The following MATN2 variants were observed in gnomAD, a reference collection of about 807,000 sequenced individuals.
The protein encoded by MATN2 is matrilin-2.
Under a neutral mutation model 103.2 loss-of-function variants are expected in MATN2, and 69 were observed. The ratio of observed to expected loss-of-function variants is 0.67; its 90% confidence interval spans 0.55 to 0.82. The LOEUF is 0.82. Among genes scored for constraint, MATN2 ranks in the 40% least tolerant of loss-of-function variants. MATN2 has a pLI of 0.00. For missense variants in MATN2, 1,023 were observed against 1,211.5 expected, an observed-to-expected ratio of 0.84 and a Z score of 2.31; for synonymous variants, 429 against 450.2, an observed-to-expected ratio of 0.95 and a Z score of 0.60.
At chr8:98,016,934 A>C (rs561668549) in intron 11 of MATN2, among the ~76,000 whole-genome samples, 1 of 152,360 alleles carries the variant, frequency 6.6e-6, no homozygotes, top group African/African-American at 2.4e-5. Context: ...GTTGTTAATA[A>C]TAGGGAAAAC....
chr8:97,956,294 C>T (rs1422616197), intron 4 of MATN2, among the ~76,000 whole-genome samples: 4 of 152,132 alleles, frequency 2.6e-5, no homozygotes, highest in Non-Finnish European at 5.9e-5. Context: ...TCTCCTGCCT[C>T]AGCCTCCCAA....
intron 2 of MATN2, among the ~76,000 whole-genome samples, chr8:97,919,681 C>G (rs568977130): frequency 3.9e-5 from 6 of 152,204 alleles, no homozygotes; most frequent in Non-Finnish European, 7.3e-5. Context: ...CCCAAACCCC[C>G]ACCCACAAGC....
chr8:97,975,252 G>C lies in MATN2; in HGVS notation c.959-3634G>C, dbSNP rs150154345. ...GTTGCTTGATCAGGAGTTGCTTAAGGAGTGATCAGTTAAAAGAGCATCTTA... is the reference window on the plus strand; with the variant it reads ...GTTGCTTGATCAGGAGTTGCTTAAGCAGTGATCAGTTAAAAGAGCATCTTA... On this transcript the variant is annotated intron_variant, in intron 5 of 18. Transcript: ENST00000254898. Among the ~76,000 whole-genome samples, 13 of 152,298 alleles carry C rather than the reference G, an allele frequency of 8.5e-5. No homozygotes were observed. The East Asian group carries it at 1.5e-3, about 18-fold the overall frequency.
At chr8:97,956,411 A>G (rs1811147375) in intron 4 of MATN2, among the ~76,000 whole-genome samples, 1 of 152,186 alleles carries the variant, frequency 6.6e-6, no homozygotes, top group African/African-American at 2.4e-5. Flanking sequence ...TCTTGACCTC[A>G]CATGATCCAC....
At chr8:98,029,375 C>T (rs895956329) in intron 14 of MATN2, among the ~76,000 whole-genome samples, 14 of 152,188 alleles carry the variant, frequency 9.2e-5, no homozygotes, top group Admixed American at 8.5e-4. Flanking sequence ...GTGGTTAGCC[C>T]TTTCATCTCA....
Position 98,024,343 on chromosome 8 carries a change from A to G in MATN2, c.1942+3016A>G, listed in dbSNP as rs1473830419. On this transcript the variant is annotated intron_variant, in intron 13 of 18. Transcript: ENST00000254898. ...AACATGGAGAAACCCTGTCTCTACTAAAAATACAAAAAGTGTCCAGGTATG... is the reference window on the plus strand; with the variant it reads ...AACATGGAGAAACCCTGTCTCTACTGAAAATACAAAAAGTGTCCAGGTATG... 2.0e-5 allele frequency among the ~76,000 whole-genome samples: 3 copies of G among 152,140 alleles called. No individual in the cohort carries two copies. In the East Asian group the frequency reaches 5.8e-4, roughly 29 times the overall value.
chr8:98,011,612 C>T (rs1279975311), intron 10 of MATN2, among the ~76,000 whole-genome samples: 3 of 152,198 alleles, frequency 2.0e-5, no homozygotes, highest in Non-Finnish European at 4.4e-5. Context: ...ATTAAGTTAG[C>T]AAAGGATTGG....
chr8:97,877,765 T>C (rs1048326661), intron 1 of MATN2, among the ~76,000 whole-genome samples: 3 of 152,176 alleles, frequency 2.0e-5, no homozygotes, highest in Non-Finnish European at 4.4e-5. Flanking sequence ...AACAGTCTAC[T>C]GGTTAGGATT....
In MATN2 at chr8:98,003,714, A is replaced by G; in HGVS notation, c.1258A>G (p.Met420Val). 1.9e-6 allele frequency: 3 copies of G among 1,613,834 alleles called. No individual in the cohort carries two copies. Among genetic ancestry groups the G allele is most frequent in the Non-Finnish European group, 2.5e-6 (3 of 1,179,804 alleles). ...GGGCTGTGAGCATGAGTGCGTCAAC[A>G]TGGAGGAGAGCTACTACTGCCGCTG... ...KPGCEHECVN[M>V]EESYYCRCHR... is the part of the protein sequence containing the mutation. Residue 420 changes from methionine (M) to valine (V), a missense_variant, in exon 8 of 19, where the codon ATG becomes GTG. Coordinates refer to ENST00000254898, the MANE Select transcript of MATN2 (RefSeq NM_002380.5).
chr8:97,901,549 G>T (rs144888459), intron 2 of MATN2, among the ~76,000 whole-genome samples: 1 of 152,144 alleles, frequency 6.6e-6, no homozygotes, highest in Admixed American at 6.5e-5. Flanking sequence ...CACTGCACCC[G>T]GCCCTGATAT....
chr8:97,915,148 G>C (rs1181472534), intron 2 of MATN2, among the ~76,000 whole-genome samples: 1 of 152,092 alleles, frequency 6.6e-6, no homozygotes, highest in African/African-American at 2.4e-5. Flanking sequence ...CATCATGCTT[G>C]GCTTGTGAAA....
chr8:98,035,548 C>A (rs986055280), intron 18 of MATN2, 109 bp from the exon 19 acceptor site: 48 of 612,584 alleles, frequency 7.8e-5, no homozygotes, highest in East Asian at 1.8e-4. Flanking sequence ...GGAAAAAAAA[C>A]CAAAACCTTT....
intron 5 of MATN2, among the ~76,000 whole-genome samples, chr8:97,974,957 C>A (rs2130299408): frequency 6.6e-6 from 1 of 152,264 alleles, no homozygotes; most frequent in Non-Finnish European, 1.5e-5. Flanking sequence ...TGAGAATGGG[C>A]ATTACTGACA....
At chr8:97,988,340 T>C (rs987812831) in intron 6 of MATN2, among the ~76,000 whole-genome samples, 5 of 151,094 alleles carry the variant, frequency 3.3e-5, no homozygotes, top group African/African-American at 1.2e-4. Flanking sequence ...CAAGAATAAA[T>C]AGAGGCTGGG....
chr8:97,914,229 C>T (rs999632527), intron 2 of MATN2, among the ~76,000 whole-genome samples: 2 of 151,958 alleles, frequency 1.3e-5, no homozygotes, highest in Non-Finnish European at 2.9e-5. Flanking sequence ...GAGAGATTGG[C>T]TTTGGGCTGG....
At chr8:97,986,871 G>C (rs1812211907) in intron 6 of MATN2, among the ~76,000 whole-genome samples, 1 of 151,960 alleles carries the variant, frequency 6.6e-6, no homozygotes, top group Admixed American at 6.6e-5. Flanking sequence ...CTCGCTCTGT[G>C]GCCCAGGCTG....
intron 5 of MATN2, among the ~76,000 whole-genome samples, chr8:97,969,851 G>A (rs1371816550): frequency 2.0e-5 from 3 of 152,172 alleles, no homozygotes; most frequent in African/African-American, 7.2e-5. Flanking sequence ...ATGGGTAAAG[G>A]GCAGATTTCA....
intron 1 of MATN2, among the ~76,000 whole-genome samples, chr8:97,885,780 G>A (rs1003945563): frequency 8.6e-5 from 13 of 151,938 alleles, no homozygotes; most frequent in Non-Finnish European, 1.5e-4. Context: ...GCCTGGGTGA[G>A]AGAGTGAGAC....
intron 4 of MATN2, 67 bp downstream of exon 4, chr8:97,941,966 T>A: frequency 6.3e-7 from 1 of 1,576,370 alleles, no homozygotes. Flanking sequence ...TTCTTTTATC[T>A]GGGCTCATTT....
Sources: allele counts gnomAD v4.1 joint callset (sites outside exome capture counted in the v4.1 genomes callset), GRCh38; gene constraint gnomAD v4.1.1; transcripts MANE v1.5; gene names NCBI Gene and HGNC (gene_info 2026-07-23, HGNC 2026-07-21).